The following PLPP7 variants were observed in gnomAD, a reference collection of about 807,000 sequenced individuals.
PLPP7 encodes the protein phospholipid phosphatase 7 (inactive), also known as inactive phospholipid phosphatase 7.
In PLPP7, 11 loss-of-function variants were observed where a neutral mutation model predicts 16.9. The observed-to-expected ratio is 0.65, with a 90% CI of 0.41 to 1.08. PLPP7 has a LOEUF of 1.08. PLPP7 is among the 50% of genes least tolerant of loss of function. PLPP7 has a pLI of 0.00. For missense variants in PLPP7, 358 were observed against 397.1 expected (o/e 0.90, Z 0.84); for synonymous variants, 174 against 175.1 (o/e 0.99, Z 0.05).
chr9:131,307,278 G>T (rs539402451), intron 1 of PLPP7, among the ~76,000 whole-genome samples: 1 of 147,494 alleles, frequency 6.8e-6, no homozygotes, highest in Non-Finnish European at 1.5e-5. Context: ...AGGGCCGGGC[G>T]CAGTGGCTCA....
rs147460525 is a variant in PLPP7, at chr9:131,308,104, G to A, written c.633G>A (p.Ala211=). The A allele has an allele frequency of 1.3e-5, 21 of 1,601,358 alleles. No homozygotes were observed. The East Asian group carries it at 1.3e-4, about 10-fold the overall frequency. ...TCTTCCTCAGCCACCTGGTGCTGGC[G>A]GTGCCCCTGCGTGTGCTGCTGGTGC... ...SKFFLSHLVL[A]VPLRVLLVLW... Residue 211 remains alanine (A), a synonymous_variant, in exon 2 of 2, where the codon GCG becomes GCA. Coordinates refer to ENST00000372264, the MANE Select transcript of PLPP7 (RefSeq NM_032728.4).
At position 131,307,913 on chromosome 9, in the gene PLPP7, C is replaced by T. The variant is rs111599216; in HGVS notation, c.452-10C>T. The T allele has an allele frequency of 7.9e-4, 1,233 of 1,567,634 alleles. 8 individuals are homozygous for T. The African/African-American group carries it at 0.014, about 17-fold the overall frequency. ...CTGATGGCCCAGGGGCCTCTGTCTC[C>T]CCCCAACAGCCCTGCTCCTGGACAT... On this transcript the variant is annotated splice_polypyrimidine_tract_variant and intron_variant, in intron 1 of 1. Transcript: ENST00000372264.
At chr9:131,305,788 A>T (rs569776142) in intron 1 of PLPP7, among the ~76,000 whole-genome samples, 16 of 151,706 alleles carry the variant, frequency 1.1e-4, no homozygotes, top group Admixed American at 3.9e-4. Flanking sequence ...GCCATCACAC[A>T]TGTCTAATTT....
chr9:131,292,236 G>C (rs10751520), intron 1 of PLPP7, among the ~76,000 whole-genome samples: 51,861 of 152,082 alleles, frequency 0.34, 9,737 homozygotes, highest in East Asian at 0.53. Flanking sequence ...ATTTAGAGAG[G>C]TAGGTTGCCT....
chr9:131,291,057 G>A (rs1419029436), intron 1 of PLPP7: 2 of 1,366,024 alleles, frequency 1.5e-6, no homozygotes, highest in African/African-American at 3.0e-5. Flanking sequence ...AGGGTTCGGG[G>A]GGCCAGTTGT....
At chr9:131,303,024 A>G (rs185326322) in intron 1 of PLPP7, among the ~76,000 whole-genome samples, 20 of 152,262 alleles carry the variant, frequency 1.3e-4, no homozygotes, top group Non-Finnish European at 7.4e-5. Context: ...ACCATGTTAC[A>G]AGCTTTATTA....
At chr9:131,298,657 A>T (rs1835762383) in intron 1 of PLPP7, among the ~76,000 whole-genome samples, 1 of 152,184 alleles carries the variant, frequency 6.6e-6, no homozygotes, top group African/African-American at 2.4e-5. Flanking sequence ...CTGGCAGACA[A>T]GTGATGTTCT....
chr9:131,308,040 C>T lies in PLPP7; in HGVS notation c.569C>T (p.Pro190Leu), dbSNP rs749413322. 1.1e-5 allele frequency: 18 copies of T among 1,600,978 alleles called. No homozygotes were observed. Among genetic ancestry groups the T allele is most frequent in the East Asian group, 2.2e-5 (1 of 44,880 alleles). The change falls in exon 2 of 2, where the codon CCG becomes CTG. Residue 190 changes from proline (P) to leucine (L), a missense_variant. Coordinates refer to ENST00000372264, the MANE Select transcript of PLPP7 (RefSeq NM_032728.4). ...DYLTMDIYAF[P>L]AGHASRAAMV... is the part of the protein sequence containing the mutation. ...CTCACCATGGACATCTACGCCTTCC[C>T]GGCCGGGCACGCCAGCCGCGCCGCC...
chr9:131,301,089 C>A (rs1222399334), intron 1 of PLPP7, among the ~76,000 whole-genome samples: 1 of 152,174 alleles, frequency 6.6e-6, no homozygotes, highest in Non-Finnish European at 1.5e-5. Flanking sequence ...CTGCCTCAGA[C>A]TCCCAAGTAG....
At chr9:131,302,847 G>A (rs1411353304) in intron 1 of PLPP7, among the ~76,000 whole-genome samples, 1 of 152,172 alleles carries the variant, frequency 6.6e-6, no homozygotes, top group Non-Finnish European at 1.5e-5. Flanking sequence ...AAAAGGGGAA[G>A]CCCTGAAGTT....
Position 131,295,800 on chromosome 9 carries a change from C to T in PLPP7, c.451+5352C>T, listed in dbSNP as rs972398752. 1.3e-5 allele frequency among the ~76,000 whole-genome samples: 2 copies of T among 152,144 alleles called. No individual in the cohort carries two copies. The highest frequency in any genetic ancestry group is 2.9e-5 in the Non-Finnish European group (2 of 68,028). ...CTGATTTCATTTAGCATGATATCCT[C>T]GAGGTCCATCCATGCTGTAGCGGGC... is the stretch of plus-strand genomic sequence containing the variant. On this transcript the variant is annotated intron_variant, in intron 1 of 1. Coordinates refer to ENST00000372264, the MANE Select transcript of PLPP7 (RefSeq NM_032728.4). The surrounding 1 kb of genome is among the most constrained non-coding windows in gnomAD (Gnocchi z 4.0).
At chr9:131,302,432 C>T (rs572698752) in intron 1 of PLPP7, among the ~76,000 whole-genome samples, 4 of 152,262 alleles carry the variant, frequency 2.6e-5, no homozygotes, top group East Asian at 1.9e-4. Context: ...CTCCCTCTCC[C>T]GCCTGCCCTG....
chr9:131,299,316 G>C (rs1200749551), intron 1 of PLPP7, among the ~76,000 whole-genome samples: 1 of 152,092 alleles, frequency 6.6e-6, no homozygotes, highest in Non-Finnish European at 1.5e-5. Flanking sequence ...TGAGCCTCCT[G>C]CTGGGTGGAC....
At position 131,290,470 on chromosome 9, in the gene PLPP7, C is replaced by A; in HGVS notation, c.451+22C>A. 6.7e-7 allele frequency: 1 copy of A among 1,493,894 alleles called. No individual in the cohort carries two copies. The allele number at this position is 1,493,894 out of a possible 1,614,324, so 92.5% of individuals were successfully genotyped here. On this transcript the variant is annotated intron_variant, in intron 1 of 1. Transcript: ENST00000372264. The surrounding 1 kb of genome is among the most constrained non-coding windows in gnomAD (Gnocchi z 4.2). ...CTGGGTGAGTGTGCCTGCCGCCCGC[C>A]ACTCACTGTCAGGCCCCTCGGGAGG...
chr9:131,301,685 G>A (rs1186676358), intron 1 of PLPP7, among the ~76,000 whole-genome samples: 1 of 152,194 alleles, frequency 6.6e-6, no homozygotes, highest in Admixed American at 6.5e-5. Context: ...AGGACTCACA[G>A]GCAGTGTAAT....
intron 1 of PLPP7, among the ~76,000 whole-genome samples, chr9:131,298,207 C>T (rs560273488): frequency 2.0e-5 from 3 of 152,262 alleles, no homozygotes; most frequent in East Asian, 1.9e-4. Flanking sequence ...AAGGGAGACA[C>T]GTGGAGGAGA....
intron 1 of PLPP7, among the ~76,000 whole-genome samples, chr9:131,305,919 G>A (rs1000035008): frequency 5.3e-5 from 8 of 152,138 alleles, no homozygotes; most frequent in African/African-American, 1.4e-4. Context: ...GTGACCCACC[G>A]TGCCCAGCCA....
intron 1 of PLPP7, among the ~76,000 whole-genome samples, chr9:131,294,975 C>A (rs745704980): frequency 6.7e-6 from 1 of 149,954 alleles, no homozygotes; most frequent in Non-Finnish European, 1.5e-5. Flanking sequence ...TCCTTTGAGA[C>A]GGAATCTCAC....
At position 131,292,145 on chromosome 9, in the gene PLPP7, G is replaced by T. The variant is rs73656112; in HGVS notation, c.451+1697G>T. On this transcript the variant is annotated intron_variant, in intron 1 of 1. Transcript: ENST00000372264. ...CAGAGCAAAGTGGCCGAGGCACTAG[G>T]CCAGGCGCTTCCAGGGGCAGAACCT... Among the ~76,000 whole-genome samples the T allele has an allele frequency of 5.5e-3, 839 of 152,302 alleles. 8 individuals are homozygous for T. The highest frequency in any genetic ancestry group is 0.019 in the African/African-American group (802 of 41,558).
Sources: allele counts gnomAD v4.1 joint callset (sites outside exome capture counted in the v4.1 genomes callset), GRCh38; gene constraint gnomAD v4.1.1; non-coding constraint Gnocchi (gnomAD v3.1); transcripts MANE v1.5; gene names NCBI Gene and HGNC (gene_info 2026-07-23, HGNC 2026-07-21).